Variants in TOGARAM1 observed in about 807,000 individuals in gnomAD.
TOGARAM1 encodes the protein TOG array regulator of axonemal microtubules protein 1.
TOGARAM1 carries 100 observed loss-of-function variants against 166.6 expected under a neutral mutation model. That is an observed-to-expected ratio of 0.60 (90% CI 0.51 to 0.71). TOGARAM1 has a LOEUF of 0.71. Ranked by LOEUF, TOGARAM1 falls within the 30% of genes least tolerant of loss-of-function variation. The probability of loss-of-function intolerance (pLI) is 0.00; values close to 1 mark genes in which losing one functional copy is unlikely to be tolerated. For missense variants in TOGARAM1, 2,029 were observed against 2,102.7 expected (o/e 0.96, Z 0.69); for synonymous variants, 758 against 763.8 (o/e 0.99, Z 0.13).
chr14:45,068,146 G>C (rs1342771987), intron 17 of TOGARAM1, among the ~76,000 whole-genome samples: 1 of 152,136 alleles, frequency 6.6e-6, no homozygotes, highest in Non-Finnish European at 1.5e-5. Flanking sequence ...CAGTCAGTCA[G>C]TCATCTGCCT....
At chr14:45,063,244 A>C (rs1261968458) in intron 16 of TOGARAM1, among the ~76,000 whole-genome samples, 1 of 152,034 alleles carries the variant, frequency 6.6e-6, no homozygotes, top group Non-Finnish European at 1.5e-5. Flanking sequence ...TTATCTATTC[A>C]TCAGTTTGGT....
At chr14:45,040,905 G>A (rs964125063) in intron 11 of TOGARAM1, among the ~76,000 whole-genome samples, 3 of 151,964 alleles carry the variant, frequency 2.0e-5, no homozygotes, top group African/African-American at 4.8e-5. Flanking sequence ...CAGGTGTGGC[G>A]GCCCATGCCT....
chr14:45,039,053 A>T (rs1304632881), intron 11 of TOGARAM1, among the ~76,000 whole-genome samples: 2 of 151,862 alleles, frequency 1.3e-5, no homozygotes, highest in Admixed American at 6.6e-5. Flanking sequence ...TGGAGAGGAG[A>T]CCCGGAGTGG....
chr14:44,978,669 A>G (rs1886348927), intron 1 of TOGARAM1, among the ~76,000 whole-genome samples: 1 of 152,110 alleles, frequency 6.6e-6, no homozygotes, highest in African/African-American at 2.4e-5. Flanking sequence ...ATGGTGGCAC[A>G]TGTCTATAGT....
At chr14:44,996,052 G>A in intron 2 of TOGARAM1, 150 bp downstream of exon 2, 2 of 532,446 alleles carry the variant, frequency 3.8e-6, no homozygotes, top group Non-Finnish European at 3.1e-6. Context: ...TGGACACTTA[G>A]ACATTATTAT....
chr14:45,049,048 C>G (rs1017585944), intron 14 of TOGARAM1, among the ~76,000 whole-genome samples: 19 of 54,706 alleles, frequency 3.5e-4, no homozygotes, highest in Non-Finnish European at 5.2e-4. Flanking sequence ...AGGACAGAGA[C>G]AAACTTCTCA....
chr14:44,990,464 A>G (rs1887065252), intron 1 of TOGARAM1, among the ~76,000 whole-genome samples: 1 of 152,252 alleles, frequency 6.6e-6, no homozygotes, highest in South Asian at 2.1e-4. Context: ...TTCAGGCCAC[A>G]TGTTTAACTC....
At chr14:45,013,046 C>T (rs1245586836) in intron 7 of TOGARAM1, among the ~76,000 whole-genome samples, 1 of 152,180 alleles carries the variant, frequency 6.6e-6, no homozygotes, top group Non-Finnish European at 1.5e-5. Context: ...GCCTACCTCT[C>T]CAGCCTCATT....
chr14:45,064,089 C>T (rs1007190071), intron 16 of TOGARAM1, among the ~76,000 whole-genome samples: 6 of 152,104 alleles, frequency 3.9e-5, no homozygotes, highest in African/African-American at 7.2e-5. Flanking sequence ...CCCCACCCCC[C>T]GCTCTGGTTG....
rs1019127250 is a variant in TOGARAM1, at chr14:45,027,625, G to A, written c.3504+151G>A. Reference sequence around the variant, plus strand: ...TTTTGAGCCTTGGCAATGTGGCAAAGCCCTGTCTCTAGGAAAAATACAAAA... The same window carrying A: ...TTTTGAGCCTTGGCAATGTGGCAAAACCCTGTCTCTAGGAAAAATACAAAA... On this transcript the variant is annotated intron_variant, in intron 9 of 19. Coordinates refer to ENST00000361462, the MANE Select transcript of TOGARAM1 (RefSeq NM_001308120.2). 1.0e-5 allele frequency: 6 copies of A among 572,512 alleles called. No homozygotes were observed. The Admixed American group carries it at 1.3e-4, about 12-fold the overall frequency. The allele number at this position is 572,512 out of a possible 1,614,324, so 35.5% of individuals were successfully genotyped here.
chr14:45,046,646 C>A lies in TOGARAM1; in HGVS notation c.4256C>A (p.Ala1419Asp). ...ERILSAAKDMAERILPAAAKF... is the reference protein window; with the variant it reads ...ERILSAAKDMDERILPAAAKF... ...ATTTTATCTGCAGCAAAGGATATGG[C>A]TGAACGCATATTACCAGCTGCTGCT... The change falls in exon 14 of 20, where the codon GCT becomes GAT. Residue 1419 changes from alanine (A) to aspartate (D), a missense_variant. Ala to Asp is a moderately radical substitution (Grantham distance 126). Coordinates refer to ENST00000361462, the MANE Select transcript of TOGARAM1 (RefSeq NM_001308120.2). The A allele has an allele frequency of 7.3e-7, 1 of 1,377,030 alleles. No homozygotes were observed. The highest frequency in any genetic ancestry group is 9.5e-7 in the Non-Finnish European group (1 of 1,057,588). The allele number at this position is 1,377,030 out of a possible 1,614,324, so 85.3% of individuals were successfully genotyped here. A position where few individuals can be genotyped will look rare whatever the true frequency, so the allele number is the denominator to read the frequency against.
intron 11 of TOGARAM1, 45 bp from the exon 12 acceptor site, chr14:45,043,641 T>A (rs1881837293): frequency 2.0e-6 from 2 of 1,017,946 alleles, no homozygotes; most frequent in Non-Finnish European, 3.1e-6. Context: ...CTGTTCCAGT[T>A]GAGTCCCATT....
intron 18 of TOGARAM1, 45 bp downstream of exon 18, chr14:45,068,688 T>A (rs1486867226): frequency 7.0e-7 from 1 of 1,434,548 alleles, no homozygotes. Flanking sequence ...CACTTTCTTT[T>A]CATGTTTTCT....
intron 19 of TOGARAM1, among the ~76,000 whole-genome samples, chr14:45,073,081 A>T (rs1883451484): frequency 6.6e-6 from 1 of 152,242 alleles, no homozygotes; most frequent in Admixed American, 6.5e-5. Flanking sequence ...CCACTTTTGC[A>T]TGAACTAATT....
rs376730878 is a variant in TOGARAM1 at position 45,006,019 on chromosome 14, C to A, written c.2656C>A (p.Gln886Lys). The change falls in exon 5 of 20, where the codon CAA (glutamine) becomes AAA (lysine). Residue 886 changes from glutamine (Q) to lysine (K), a missense_variant. This residue lies in a region of TOGARAM1 where 1,453 missense variants were observed against 1,432.2 expected (regional missense o/e 1.01). Transcript: ENST00000361462. ...PTGRNHGENS[Q>K]EKPPVQLTPA... ...TATTTTTCATGCAGGAGAAAATTCT[C>A]AAGAAAAACCTCCAGTTCAGCTTAC... is the stretch of plus-strand genomic sequence containing the variant. 6.5e-6 allele frequency: 10 copies of A among 1,542,716 alleles called. No homozygotes were observed. Among genetic ancestry groups the A allele is most frequent in the East Asian group, 4.5e-5 (2 of 44,162 alleles).
Position 45,066,733 on chromosome 14 carries a change from A to G in TOGARAM1, c.4715A>G (p.Asn1572Ser). ...GIKQLLSDTE[N>S]NQDLVVGNIV... ...AAGCAGCTTTTATCAGATACAGAAAATAATCAAGACCTTGTTGTTGGAAAC... is the reference window on the plus strand; with the variant it reads ...AAGCAGCTTTTATCAGATACAGAAAGTAATCAAGACCTTGTTGTTGGAAAC... Residue 1572 changes from asparagine to serine, a missense_variant, in exon 17 of 20, where the codon AAT (asparagine) becomes AGT (serine). Transcript: ENST00000361462. 2.5e-6 allele frequency: 4 copies of G among 1,613,382 alleles called. No individual in the cohort carries two copies. The highest frequency in any genetic ancestry group is 2.5e-6 in the Non-Finnish European group (3 of 1,179,494).
chr14:44,992,118 A>AT (rs1313041154), intron 1 of TOGARAM1, among the ~76,000 whole-genome samples: 1 of 150,394 alleles, frequency 6.6e-6, no homozygotes, highest in Non-Finnish European at 1.5e-5. Flanking sequence ...CAAAAAAAAA[A>AT]CACCAAAAAG....
chr14:45,037,099 A>G lies in TOGARAM1; in HGVS notation c.3812+4723A>G, dbSNP rs534741934. On this transcript the variant is annotated intron_variant, in intron 11 of 19. Transcript: ENST00000361462. ...GTGGTTCCCTCCTGAATCCTGGGAC[A>G]TAGCCAAACCCTATCAATTATCTTA... is the stretch of plus-strand genomic sequence containing the variant. Among the ~76,000 whole-genome samples, 6 of 152,294 alleles carry G rather than the reference A, an allele frequency of 3.9e-5. No homozygotes were observed. The South Asian group carries it at 1.2e-3, about 32-fold the overall frequency.
At chr14:45,049,845 AGATTTCTTAATG>A (rs1882274802) in intron 14 of TOGARAM1, among the ~76,000 whole-genome samples, 1 of 152,124 alleles carries the variant, frequency 6.6e-6, no homozygotes, top group Admixed American at 6.5e-5. Context: ...AAAAAAAAAA[AGATTTCTTAATG>A]GCCATCTCAT....
Sources: allele counts gnomAD v4.1 joint callset (sites outside exome capture counted in the v4.1 genomes callset), GRCh38; gene constraint gnomAD v4.1.1; regional missense constraint gnomAD v4.1.1; transcripts MANE v1.5; gene names NCBI Gene and HGNC (gene_info 2026-07-23, HGNC 2026-07-21).